Variants in GIGYF2 observed in about 807,000 individuals in gnomAD.
GIGYF2 encodes GRB10 interacting GYF protein 2.
A neutral mutation model predicts 208.1 loss-of-function variants in GIGYF2; 25 were observed. The ratio of observed to expected loss-of-function variants is 0.12; its 90% confidence interval spans 0.09 to 0.17. The LOEUF (loss-of-function observed/expected upper bound fraction) is 0.17. GIGYF2 is among the 10% of genes least tolerant of loss of function. The pLI is 1.00. For missense variants in GIGYF2, 1,302 were observed against 1,579.4 expected (o/e 0.82, Z 2.98); for synonymous variants, 534 against 543.8 (o/e 0.98, Z 0.25).
chr2:232,850,141 G>T, intron 27 of GIGYF2, 121 bp from the exon 28 acceptor site: 1 of 877,544 alleles, frequency 1.1e-6, no homozygotes, highest in South Asian at 1.3e-5. Flanking sequence ...GTGATGAAAA[G>T]CTTTTTGTTT....
chr2:232,761,588 T>G, intron 8 of GIGYF2, 152 bp downstream of exon 8: 4 of 578,048 alleles, frequency 6.9e-6, no homozygotes, highest in Non-Finnish European at 6.4e-6. Flanking sequence ...AGATGATGAA[T>G]ACAGCCATTA....
intron 15 of GIGYF2, among the ~76,000 whole-genome samples, chr2:232,808,722 C>T (rs1700633957): frequency 6.6e-6 from 1 of 152,094 alleles, no homozygotes; most frequent in Admixed American, 6.5e-5. Context: ...TACACTTTTA[C>T]TTCTGTTATC....
intron 23 of GIGYF2, chr2:232,842,969 A>G (rs1001665426): frequency 6.6e-6 from 1 of 152,030 alleles, no homozygotes; most frequent in Non-Finnish European, 1.5e-5. Context: ...TGTTTGAGAG[A>G]CTCAGCACCT....
At chr2:232,702,923 G>C (rs955708667) in intron 1 of GIGYF2, among the ~76,000 whole-genome samples, 1 of 152,174 alleles carries the variant, frequency 6.6e-6, no homozygotes, top group African/African-American at 2.4e-5. Flanking sequence ...AGCTTCCCGA[G>C]TAGCTGGGAC....
chr2:232,723,725 G>GT (rs1697049447), intron 2 of GIGYF2, among the ~76,000 whole-genome samples: 1 of 109,472 alleles, frequency 9.1e-6, no homozygotes, highest in Non-Finnish European at 1.8e-5. Context: ...ACTGTGCCCG[G>GT]CCTTTTTTTT....
At chr2:232,753,889 G>A (rs1224016641) in intron 5 of GIGYF2, among the ~76,000 whole-genome samples, 1 of 152,008 alleles carries the variant, frequency 6.6e-6, no homozygotes, top group African/African-American at 2.4e-5. Context: ...TTTGTGGCCC[G>A]GCACAGTGGC....
At chr2:232,811,488 A>G (rs1700733342) in intron 17 of GIGYF2, 137 bp downstream of exon 17, 1 of 669,674 alleles carries the variant, frequency 1.5e-6, no homozygotes, top group African/African-American at 1.8e-5. Flanking sequence ...TGTATGTAAA[A>G]AAGTATATTT....
Position 232,771,264 on chromosome 2 carries a change from G to A in GIGYF2, c.532+9828G>A, listed in dbSNP as rs1026757774. 6.2e-6 allele frequency: 10 copies of A among 1,608,082 alleles called. No homozygotes were observed. Among genetic ancestry groups the A allele is most frequent in the South Asian group, 3.3e-5 (3 of 90,466 alleles). On this transcript the variant is annotated intron_variant, in intron 8 of 28. Transcript: ENST00000373563. ...GAAGATATGCAAGACCTCTTTGAGC[G>A]CCATCCATTTGAAGTGTGCTGTGGC...
At chr2:232,725,713 A>C (rs1697167047) in intron 2 of GIGYF2, among the ~76,000 whole-genome samples, 1 of 152,222 alleles carries the variant, frequency 6.6e-6, no homozygotes, top group South Asian at 2.1e-4. Context: ...AGTCCTTATC[A>C]CATGGTACTC....
intron 18 of GIGYF2, among the ~76,000 whole-genome samples, chr2:232,815,048 A>G (rs76589202): frequency 0.013 from 1,989 of 152,328 alleles, 33 homozygotes; most frequent in African/African-American, 0.045. Flanking sequence ...TCTCACTTGT[A>G]AGACCTGCCT....
chr2:232,793,928 C>CT (rs1700144605), intron 12 of GIGYF2, among the ~76,000 whole-genome samples: 2 of 152,120 alleles, frequency 1.3e-5, no homozygotes, highest in African/African-American at 4.8e-5. Flanking sequence ...CACTGCTTAT[C>CT]TTTGAGAGAG....
chr2:232,856,674 A>G, intron 28 of GIGYF2, 119 bp from the exon 29 acceptor site: 1 of 781,434 alleles, frequency 1.3e-6, no homozygotes, highest in East Asian at 2.5e-5. Context: ...CCTGGGTGAC[A>G]GAGTGAAACC....
At position 232,844,077 on chromosome 2, in the gene GIGYF2, C is replaced by G; in HGVS notation, c.2921C>G (p.Ala974Gly). ...QRRQQRELMKALQQQQQQQQQ... is the reference protein window; with the variant it reads ...QRRQQRELMKGLQQQQQQQQQ... ...CGCCAGCAGAGGGAGTTGATGAAAG[C>G]TCTTCAGCAGCAGCAGCAACAGCAA... The change falls in exon 24 of 29, where the codon GCT becomes GGT. Residue 974 changes from alanine (A) to glycine (G), a missense_variant. Physicochemically the swap from Ala to Gly is moderately conservative, Grantham distance 60. Around this residue, in one of 8 missense-constraint regions of GIGYF2, gnomAD observed 701 missense variants for 793.0 expected, o/e 0.88. Coordinates refer to ENST00000373563, the MANE Select transcript of GIGYF2 (RefSeq NM_001103146.3). The G allele has an allele frequency of 6.2e-7, 1 of 1,611,942 alleles. No individual in the cohort carries two copies. The highest frequency in any genetic ancestry group is 8.5e-7 in the Non-Finnish European group (1 of 1,178,570).
intron 2 of GIGYF2, among the ~76,000 whole-genome samples, chr2:232,715,240 C>T (rs893943842): frequency 1.3e-5 from 2 of 152,060 alleles, no homozygotes; most frequent in African/African-American, 4.8e-5. Context: ...TATGACTTTA[C>T]AGTATTTGTT....
chr2:232,848,135 C>G (rs146940223), intron 27 of GIGYF2, among the ~76,000 whole-genome samples: 5 of 152,310 alleles, frequency 3.3e-5, no homozygotes, highest in South Asian at 2.1e-4. Flanking sequence ...CTCACCAGAT[C>G]AGTACATAAC....
At chr2:232,740,724 T>A (rs1470357861) in intron 3 of GIGYF2, among the ~76,000 whole-genome samples, 1 of 152,186 alleles carries the variant, frequency 6.6e-6, no homozygotes, top group African/African-American at 2.4e-5. Context: ...TAGGGTCTTA[T>A]GGGAGACGGG....
chr2:232,737,787 C>CATA (rs148363027), intron 3 of GIGYF2, among the ~76,000 whole-genome samples: 3,106 of 151,576 alleles, frequency 0.02, 125 homozygotes, highest in African/African-American at 0.072. Flanking sequence ...TAATGTAAAA[C>CATA]ATGTTCAATA....
chr2:232,787,426 A>T (rs1699950913), intron 9 of GIGYF2, 97 bp downstream of exon 9: 1 of 1,073,570 alleles, frequency 9.3e-7, no homozygotes, highest in Non-Finnish European at 1.4e-6. Context: ...GGCTTAAAAA[A>T]TGTGGGGGTG....
At chr2:232,835,773 G>A (rs567561926) in intron 22 of GIGYF2, among the ~76,000 whole-genome samples, 52 of 152,202 alleles carry the variant, frequency 3.4e-4, no homozygotes, top group African/African-American at 1.0e-3. Flanking sequence ...GGTGACCGTG[G>A]GTTTGGCAGG....
Sources: allele counts gnomAD v4.1 joint callset (sites outside exome capture counted in the v4.1 genomes callset), GRCh38; gene constraint gnomAD v4.1.1; regional missense constraint gnomAD v4.1.1; transcripts MANE v1.5; gene names NCBI Gene and HGNC (gene_info 2026-07-23, HGNC 2026-07-21).